HPSE2: variants seen among roughly 807,000 people sequenced by gnomAD.
HPSE2 encodes the protein inactive heparanase-2.
In HPSE2, 38 loss-of-function variants were observed where a neutral mutation model predicts 60.5. The ratio of observed to expected loss-of-function variants is 0.63; its 90% confidence interval spans 0.48 to 0.82. The LOEUF (loss-of-function observed/expected upper bound fraction) is 0.82. HPSE2 is among the 40% of genes least tolerant of loss of function. The pLI is 0.00. For missense variants in HPSE2, 713 were observed against 740.4 expected (o/e 0.96, Z 0.43); for synonymous variants, 295 against 293.2 (o/e 1.01, Z -0.06).
At chr10:98,879,575 TC>T (rs1952964548) in intron 3 of HPSE2, among the ~76,000 whole-genome samples, 1 of 151,980 alleles carries the variant, frequency 6.6e-6, no homozygotes, top group African/African-American at 2.4e-5. Context: ...GATTTTTTTT[TC>T]CTACCATGAT....
intron 5 of HPSE2, among the ~76,000 whole-genome samples, chr10:98,716,046 A>G (rs1589694366): frequency 1.3e-5 from 2 of 152,198 alleles, no homozygotes; most frequent in South Asian, 4.1e-4. Flanking sequence ...TTTATGTAAT[A>G]TTCTAAATCC....
At chr10:98,536,767 C>T (rs1394242982) in intron 9 of HPSE2, among the ~76,000 whole-genome samples, 1 of 152,154 alleles carries the variant, frequency 6.6e-6, no homozygotes, top group Non-Finnish European at 1.5e-5. Context: ...GTACCAGGGA[C>T]TGTGGTAGGC....
chr10:99,045,790 G>A (rs1035253379), intron 3 of HPSE2, among the ~76,000 whole-genome samples: 25 of 152,206 alleles, frequency 1.6e-4, no homozygotes, highest in African/African-American at 6.0e-4. Flanking sequence ...CTCAGGAAGA[G>A]ATTGAAACCC....
chr10:98,863,383 CTG>C (rs1206066932), intron 3 of HPSE2, among the ~76,000 whole-genome samples: 2 of 151,970 alleles, frequency 1.3e-5, no homozygotes, highest in African/African-American at 4.8e-5. Flanking sequence ...GTGTCTGTGT[CTG>C]TGTGTGAGAG....
intron 3 of HPSE2, chr10:99,048,039 G>T: frequency 1.5e-6 from 1 of 688,822 alleles, no homozygotes; most frequent in South Asian, 1.5e-5. Flanking sequence ...AATATGCTGT[G>T]GACTATAGAA....
At chr10:98,876,978 G>T (rs1048420213) in intron 3 of HPSE2, among the ~76,000 whole-genome samples, 1 of 151,682 alleles carries the variant, frequency 6.6e-6, no homozygotes, top group East Asian at 1.9e-4. Flanking sequence ...CACCTCTGAA[G>T]TTTATTAATA....
the HPSE2 span, among the ~76,000 whole-genome samples, chr10:99,265,404 G>T: frequency 6.6e-6 from 1 of 152,308 alleles, no homozygotes; most frequent in East Asian, 1.9e-4. Context: ...ACGTACACAT[G>T]GAGGGAAATG....
chr10:98,822,494 A>C (rs1415468171), intron 3 of HPSE2, among the ~76,000 whole-genome samples: 1 of 152,216 alleles, frequency 6.6e-6, no homozygotes, highest in Non-Finnish European at 1.5e-5. Context: ...CACGAATTTT[A>C]AAATTAAATA....
intron 3 of HPSE2, chr10:99,048,213 A>G: frequency 1.6e-6 from 1 of 614,952 alleles, no homozygotes; most frequent in Non-Finnish European, 3.0e-6. Flanking sequence ...GATCTGATTC[A>G]TGAGATCTAT....
intron 3 of HPSE2, among the ~76,000 whole-genome samples, chr10:99,058,577 C>T (rs1016407245): frequency 2.0e-5 from 3 of 152,138 alleles, no homozygotes; most frequent in Non-Finnish European, 2.9e-5. Context: ...CTTAGCACTT[C>T]GTTTAGGTAT....
At chr10:98,648,107 C>T (rs1433036790) in intron 6 of HPSE2, among the ~76,000 whole-genome samples, 1 of 152,170 alleles carries the variant, frequency 6.6e-6, no homozygotes, top group African/African-American at 2.4e-5. Context: ...GGCTCAAGTG[C>T]CATGCCAAGG....
intron 6 of HPSE2, among the ~76,000 whole-genome samples, chr10:98,690,247 A>G (rs1948040527): frequency 6.6e-6 from 1 of 152,208 alleles, no homozygotes; most frequent in Non-Finnish European, 1.5e-5. Context: ...ATTGTTAAAT[A>G]ACTACAGAGA....
intron 7 of HPSE2, 126 bp from the exon 8 acceptor site, chr10:98,620,834 C>T: frequency 1.3e-6 from 1 of 751,810 alleles, no homozygotes; most frequent in Non-Finnish European, 2.3e-6. Context: ...ATGATTTGTG[C>T]TTTCTTATGA....
At chr10:99,101,298 A>G (rs1843972248) in intron 3 of HPSE2, among the ~76,000 whole-genome samples, 1 of 152,190 alleles carries the variant, frequency 6.6e-6, no homozygotes, top group South Asian at 2.1e-4. Context: ...AGGAAGATCT[A>G]CCAAGCAAAT....
chr10:98,963,556 A>G (rs768478767), intron 3 of HPSE2, among the ~76,000 whole-genome samples: 1 of 152,078 alleles, frequency 6.6e-6, no homozygotes, highest in South Asian at 2.1e-4. Flanking sequence ...TCATCCCCAC[A>G]TACACTCTTG....
At chr10:98,802,643 C>T (rs1279893623) in intron 3 of HPSE2, among the ~76,000 whole-genome samples, 1 of 152,020 alleles carries the variant, frequency 6.6e-6, no homozygotes, top group Non-Finnish European at 1.5e-5. Flanking sequence ...CTACAAAGGA[C>T]ATGCACTCAT....
chr10:99,100,705 T>G (rs1049101103), intron 3 of HPSE2, among the ~76,000 whole-genome samples: 10 of 151,898 alleles, frequency 6.6e-5, no homozygotes, highest in Admixed American at 2.6e-4. Context: ...TTCACCAAAG[T>G]TGAAATGAAG....
In HPSE2 at chr10:98,554,372, C is replaced by T. The variant is rs1477095831; in HGVS notation, c.1320+60532G>A. ...CTCAAATCTGACTAAAGTAGGACGT[C>T]CTTCATGAAGTCTCTCAGTCTCTAC... On this transcript the variant is annotated intron_variant, in intron 9 of 11. Coordinates refer to ENST00000370552, the MANE Select transcript of HPSE2 (RefSeq NM_021828.5). 3.3e-5 allele frequency among the ~76,000 whole-genome samples: 5 copies of T among 152,192 alleles called. No homozygotes were observed. The South Asian group carries it at 8.3e-4, about 25-fold the overall frequency.
chr10:98,946,028 A>AG (rs1392672290), intron 3 of HPSE2, among the ~76,000 whole-genome samples: 2 of 152,162 alleles, frequency 1.3e-5, no homozygotes, highest in East Asian at 3.8e-4. Context: ...ATTTGAAAAA[A>AG]CAGACAAACT....
Sources: allele counts gnomAD v4.1 joint callset (sites outside exome capture counted in the v4.1 genomes callset), GRCh38; gene constraint gnomAD v4.1.1; transcripts MANE v1.5; gene names NCBI Gene and HGNC (gene_info 2026-07-23, HGNC 2026-07-21).